MROH2A: variants seen among roughly 807,000 people sequenced by gnomAD.
MROH2A encodes maestro heat-like repeat-containing protein family member 2A.
A neutral mutation model predicts 200.4 loss-of-function variants in MROH2A; 174 were observed. The observed-to-expected ratio is 0.87, with a 90% confidence interval of 0.77 to 0.98. MROH2A has a LOEUF of 0.98. Ranked by LOEUF, MROH2A falls within the 50% of genes least tolerant of loss-of-function variation. The pLI is 0.00. For synonymous variants in MROH2A, 829 were observed against 840.4 expected (o/e 0.99, Z 0.23); for missense variants, 2,045 against 2,139.6 (o/e 0.96, Z 0.87).
rs1476637580 is a variant in MROH2A, at chr2:233,796,018, G to A, written c.1111G>A (p.Glu371Lys). Residue 371 changes from glutamate to lysine, a missense_variant, in exon 10 of 42, where the codon GAG becomes AAG. Transcript: ENST00000389758. ...QHQYSSQNLMEMVHCFVALAR... is the reference protein window; with the variant it reads ...QHQYSSQNLMKMVHCFVALAR... Reference sequence around the variant, plus strand: ...TCAGTACAGCAGCCAGAATCTGATGGAGATGGTGCACTGCTTCGTAGCCCT... The same window carrying A: ...TCAGTACAGCAGCCAGAATCTGATGAAGATGGTGCACTGCTTCGTAGCCCT... 1.9e-6 allele frequency: 3 copies of A among 1,550,592 alleles called. No individual in the cohort carries two copies. The Admixed American group carries it at 5.9e-5, about 30-fold the overall frequency.
intron 35 of MROH2A, among the ~76,000 whole-genome samples, chr2:233,826,265 A>G (rs1559483158): frequency 6.6e-6 from 1 of 152,184 alleles, no homozygotes; most frequent in Non-Finnish European, 1.5e-5. Flanking sequence ...TATAGCCAAG[A>G]CAATTCTAAG....
At chr2:233,788,938 C>CAAAAAA (rs56084976) in intron 3 of MROH2A, among the ~76,000 whole-genome samples, 1 of 47,460 alleles carries the variant, frequency 2.1e-5, no homozygotes, top group Non-Finnish European at 3.6e-5. Flanking sequence ...GACTCCGTCT[C>CAAAAAA]AAAAAAAAAA....
intron 3 of MROH2A, among the ~76,000 whole-genome samples, chr2:233,784,813 G>T (rs975174727): frequency 6.6e-6 from 1 of 152,152 alleles, no homozygotes; most frequent in Non-Finnish European, 1.5e-5. Context: ...TCTAGCCTCA[G>T]GTATTCCTTT....
chr2:233,778,884 G>A (rs887183397), intron 1 of MROH2A, among the ~76,000 whole-genome samples: 5 of 152,170 alleles, frequency 3.3e-5, no homozygotes, highest in African/African-American at 1.2e-4. Context: ...TCTAGGCATG[G>A]CTTTCCTTGG....
At position 233,807,985 on chromosome 2, in the gene MROH2A, C is replaced by T; in HGVS notation, c.2295+130C>T. The T allele has an allele frequency of 8.3e-7, 1 of 1,205,664 alleles. No individual in the cohort carries two copies. The highest frequency in any genetic ancestry group is 1.4e-5 in the South Asian group (1 of 69,542). The allele number at this position is 1,205,664 out of a possible 1,614,324, so 74.7% of individuals were successfully genotyped here. ...ACGGAGTCTCCTGTCATCAAAATGG[C>T]TGAGACATTGTCTTACTCTGAGACC... On this transcript the variant is annotated intron_variant, in intron 21 of 41. Transcript: ENST00000389758. The surrounding 1 kb of genome is among the most constrained non-coding windows in gnomAD (Gnocchi z 4.3).
chr2:233,794,468 G>T lies in MROH2A; in HGVS notation c.928G>T (p.Glu310Ter). Reference protein sequence around the residue: ...VYDYIPLLLAEYQGSLEVLFV... With the variant: ...VYDYIPLLLA ...CGACTACATCCCCCTGCTGCTGGCG[G>T]AGTACCAGGGCAGTCTGGAGGTGCT... The change falls in exon 8 of 42, where the codon GAG becomes TAG. Residue 310 changes from glutamate to a stop codon, truncating the protein, a stop_gained. Coordinates refer to ENST00000389758, the MANE Select transcript of MROH2A (RefSeq NM_001394639.1). LOFTEE classifies it high-confidence loss of function. 6 of 1,549,884 alleles carry T rather than the reference G, an allele frequency of 3.9e-6. No individual in the cohort carries two copies. The highest frequency in any genetic ancestry group is 3.5e-6 in the Non-Finnish European group (4 of 1,146,362).
At chr2:233,787,579 ATATATACATATATATAT>A (rs1339169784) in intron 3 of MROH2A, among the ~76,000 whole-genome samples, 2 of 47,016 alleles carry the variant, frequency 4.3e-5, no homozygotes, top group Admixed American at 3.6e-4. Context: ...TATATATATC[ATATATACATATATATAT>A]TATATATTAT....
rs1703862616 is a variant in MROH2A at position 233,820,458 on chromosome 2, A to G, written c.3512+402A>G. On this transcript the variant is annotated intron_variant, in intron 31 of 41. Transcript: ENST00000389758. This position sits in a 1 kb window ranked among gnomAD's most constrained non-coding sequence, Gnocchi z 4.1. ...CCCTATTTCTTTCAAAATGTGTCCTAAGAGGGGAAGCGACTTGTCCCAGTC... is the reference window on the plus strand; with the variant it reads ...CCCTATTTCTTTCAAAATGTGTCCTGAGAGGGGAAGCGACTTGTCCCAGTC... 6.6e-6 allele frequency among the ~76,000 whole-genome samples: 1 copy of G among 152,120 alleles called. No individual in the cohort carries two copies. Among genetic ancestry groups the G allele is most frequent in the South Asian group, 2.1e-4 (1 of 4,826 alleles).
chr2:233,801,587 G>T lies in MROH2A; in HGVS notation c.1561-581G>T, dbSNP rs73110898. Among the ~76,000 whole-genome samples the T allele has an allele frequency of 9.6e-3, 1,465 of 152,264 alleles. 25 individuals carry two copies. The highest frequency in any genetic ancestry group is 0.034 in the African/African-American group (1,398 of 41,530). The stretch of plus-strand genomic sequence containing the variant: ...GCAGGGGCGGATGCTGCAGCCTTGT[G>T]GCTGAATATCTTCTTCCTCAGAGAA... On this transcript the variant is annotated intron_variant, in intron 14 of 41. Coordinates refer to ENST00000389758, the MANE Select transcript of MROH2A (RefSeq NM_001394639.1).
intron 3 of MROH2A, among the ~76,000 whole-genome samples, chr2:233,783,876 T>C (rs1701067802): frequency 6.6e-6 from 1 of 152,208 alleles, no homozygotes. Context: ...TTTGTATTTC[T>C]GCCAGTCTCA....
rs901409298 is a variant in MROH2A, at chr2:233,828,981, C to A, written c.4355C>A (p.Ala1452Asp). Reference sequence around the variant, plus strand: ...AGCGTGACTGCCGAGGGCATGGAGGCCCTGACCAAGATCCTGGCTGAGCTC... The same window carrying A: ...AGCGTGACTGCCGAGGGCATGGAGGACCTGACCAAGATCCTGGCTGAGCTC... The part of the protein sequence containing the change: ...SNSVTAEGME[A>D]LTKILAELRE... Residue 1452 changes from alanine (A) to aspartate (D), a missense_variant, in exon 37 of 42, where the codon GCC (alanine) becomes GAC (aspartate). This residue lies in a region of MROH2A where 1,201 missense variants were observed against 1,311.3 expected (regional missense o/e 0.92). Coordinates refer to ENST00000389758, the MANE Select transcript of MROH2A (RefSeq NM_001394639.1). The surrounding 1 kb of genome is among the most constrained non-coding windows in gnomAD (Gnocchi z 4.6). The A allele has an allele frequency of 6.4e-7, 1 of 1,550,500 alleles. No individual in the cohort carries two copies. Among genetic ancestry groups the A allele is most frequent in the Non-Finnish European group, 8.7e-7 (1 of 1,146,964 alleles).
intron 31 of MROH2A, 34 bp from the exon 32 acceptor site, chr2:233,822,090 A>G (rs1163800908): frequency 2.6e-6 from 4 of 1,532,314 alleles, no homozygotes; most frequent in Non-Finnish European, 3.5e-6. Flanking sequence ...ACATGCCAGG[A>G]AACTCACAGT....
chr2:233,799,313 T>C (rs1412525258), intron 12 of MROH2A, among the ~76,000 whole-genome samples: 1 of 152,174 alleles, frequency 6.6e-6, no homozygotes, highest in Non-Finnish European at 1.5e-5. Flanking sequence ...GTGAGGGGTC[T>C]GCACAGCAGT....
intron 34 of MROH2A, 69 bp from the exon 35 acceptor site, chr2:233,823,487 C>T: frequency 6.6e-7 from 1 of 1,513,822 alleles, no homozygotes; most frequent in Non-Finnish European, 8.9e-7. Context: ...GTGGCCCTGC[C>T]CAGCTCTTGG....
At chr2:233,813,452 C>T (rs145664953) in intron 24 of MROH2A, among the ~76,000 whole-genome samples, 1 of 152,210 alleles carries the variant, frequency 6.6e-6, no homozygotes, top group African/African-American at 2.4e-5. Flanking sequence ...TGGCCTTGGA[C>T]CCCTGCATCT....
rs976844458 is a variant in MROH2A at position 233,822,411 on chromosome 2, A to G, written c.3721A>G (p.Lys1241Glu). The G allele has an allele frequency of 1.9e-6, 3 of 1,545,350 alleles. No individual in the cohort carries two copies. The highest frequency in any genetic ancestry group is 2.8e-5 in the African/African-American group (2 of 71,266). ...LLIQKLDEND[K>E]LPDFLPDLIY... is the part of the protein sequence containing the mutation. ...CATTCAGAAGCTGGATGAGAATGAC[A>G]AGCTCCCGGACTTCCTCCCTGACCT... The change falls in exon 33 of 42, where the codon AAG becomes GAG. Residue 1241 changes from lysine (K) to glutamate (E), a missense_variant. This residue lies in a region of MROH2A where 1,201 missense variants were observed against 1,311.3 expected (regional missense o/e 0.92). Coordinates refer to ENST00000389758, the MANE Select transcript of MROH2A (RefSeq NM_001394639.1).
At chr2:233,789,306 C>T (rs541263555) in intron 3 of MROH2A, among the ~76,000 whole-genome samples, 191 bp from the exon 4 acceptor site, 11 of 152,126 alleles carry the variant, frequency 7.2e-5, no homozygotes, top group Admixed American at 5.9e-4. Context: ...GTCATATTGA[C>T]AGGGCCAGTG....
intron 21 of MROH2A, among the ~76,000 whole-genome samples, chr2:233,808,922 C>G (rs1702978686): frequency 6.6e-6 from 1 of 152,200 alleles, no homozygotes; most frequent in Non-Finnish European, 1.5e-5. Flanking sequence ...TGCCTGGTGT[C>G]TAGTAGATGC....
rs930826378 is a variant in MROH2A at position 233,807,404 on chromosome 2, C to G, written c.2053-19C>G. ...GCTGTAGGGAGGCCTGAGCTCCTTC[C>G]TCCCTTCTGCCTCTCCAGGGCTTTC... On this transcript the variant is annotated intron_variant, in intron 19 of 41. Coordinates refer to ENST00000389758, the MANE Select transcript of MROH2A (RefSeq NM_001394639.1). This position sits in a 1 kb window ranked among gnomAD's most constrained non-coding sequence, Gnocchi z 4.3. The G allele has an allele frequency of 6.5e-7, 1 of 1,542,224 alleles. No individual in the cohort carries two copies. The highest frequency in any genetic ancestry group is 8.8e-7 in the Non-Finnish European group (1 of 1,141,220).
Sources: gnomAD v4.1 joint callset for allele counts (sites outside exome capture counted in the v4.1 genomes callset) on GRCh38, gnomAD v4.1.1 for gene constraint, gnomAD v4.1.1 regional missense constraint, Gnocchi (gnomAD v3.1) non-coding constraint, MANE v1.5 for transcripts, NCBI Gene and HGNC (gene_info 2026-07-23, HGNC 2026-07-21) for gene names.